Variants in DLAT observed in about 807,000 individuals in gnomAD.
DLAT encodes dihydrolipoamide S-acetyltransferase.
A neutral mutation model predicts 68.0 loss-of-function variants in DLAT; 43 were observed. The ratio of observed to expected loss-of-function variants is 0.63; its 90% CI spans 0.50 to 0.81. The LOEUF (loss-of-function observed/expected upper bound fraction) is 0.81. DLAT is among the 40% of genes least tolerant of loss of function. The pLI is 0.00. For synonymous variants in DLAT, 265 were observed against 288.6 expected, an observed-to-expected ratio of 0.92 and a Z score of 0.83; for missense variants, 745 against 815.4, an observed-to-expected ratio of 0.91 and a Z score of 1.05.
intron 11 of DLAT, among the ~76,000 whole-genome samples, chr11:112,052,702 G>A (rs982824804): frequency 3.9e-5 from 6 of 152,002 alleles, no homozygotes; most frequent in African/African-American, 1.4e-4. Context: ...GGAGAAAAAG[G>A]AAAGGAAGAA....
intron 6 of DLAT, among the ~76,000 whole-genome samples, chr11:112,038,855 GA>G (rs113199747): frequency 0.057 from 6,964 of 123,216 alleles, 420 homozygotes; most frequent in African/African-American, 0.16. Flanking sequence ...CAAATAAAAA[GA>G]AAAAAAAAAA....
At chr11:112,039,202 T>A (rs782024604) in intron 6 of DLAT, 42 bp from the exon 7 acceptor site, 12 of 1,608,462 alleles carry the variant, frequency 7.5e-6, no homozygotes, top group Non-Finnish European at 1.0e-5. Flanking sequence ...GACCAGTCTT[T>A]GAAGTGGTGA....
At chr11:112,058,614 GA>G (rs1320482897) in intron 11 of DLAT, among the ~76,000 whole-genome samples, 33 of 99,848 alleles carry the variant, frequency 3.3e-4, no homozygotes, top group African/African-American at 1.1e-3. Context: ...TGGGGTGGGG[GA>G]AGGGGGGGGT....
rs1862922945 is a variant in DLAT at position 112,039,096 on chromosome 11, G to A, written c.976-148G>A. ...ACTACATTATGTTGGTTAAGCTGGCGAAAAGTACATTATGATCTTTGGAAA... is the reference window on the plus strand; with the variant it reads ...ACTACATTATGTTGGTTAAGCTGGCAAAAAGTACATTATGATCTTTGGAAA... On this transcript the variant is annotated intron_variant, in intron 6 of 13. Transcript: ENST00000280346. The A allele has an allele frequency of 1.6e-5, 12 of 738,240 alleles. No homozygotes were observed. In the South Asian group the frequency reaches 2.7e-4, roughly 17 times the overall value. The allele number at this position is 738,240 out of a possible 1,614,324, so 45.7% of individuals were successfully genotyped here.
chr11:112,028,844 C>T lies in DLAT; in HGVS notation c.559C>T (p.Pro187Ser), dbSNP rs782596110. ...KNYTLDSSAA[P>S]TPQAAPAPTP... ...TTATACACTGGATTCCTCAGCAGCA[C>T]CTACCCCACAAGCGGCCCCAGCACC... is the stretch of plus-strand genomic sequence containing the variant. Residue 187 changes from proline to serine, a missense_variant, in exon 4 of 14, where the codon CCT (proline) becomes TCT (serine). By Grantham distance (74) the Pro-to-Ser change is moderately conservative. Coordinates refer to ENST00000280346, the MANE Select transcript of DLAT (RefSeq NM_001931.5). 1.9e-6 allele frequency: 3 copies of T among 1,614,188 alleles called. No homozygotes were observed. Among genetic ancestry groups the T allele is most frequent in the South Asian group, 1.1e-5 (1 of 91,086 alleles).
At chr11:112,040,948 A>C (rs587655564) in intron 7 of DLAT, among the ~76,000 whole-genome samples, 2 of 152,196 alleles carry the variant, frequency 1.3e-5, no homozygotes, top group South Asian at 4.1e-4. Context: ...AAGAAAGAAA[A>C]TCCCACTGTT....
At chr11:112,053,662 C>T (rs1226099520) in intron 11 of DLAT, among the ~76,000 whole-genome samples, 1 of 152,072 alleles carries the variant, frequency 6.6e-6, no homozygotes, top group Admixed American at 6.6e-5. Flanking sequence ...ACCATATTGG[C>T]CAGACTGGTC....
At chr11:112,056,268 C>T (rs943910296) in intron 11 of DLAT, among the ~76,000 whole-genome samples, 4 of 152,126 alleles carry the variant, frequency 2.6e-5, no homozygotes, top group African/African-American at 4.8e-5. Flanking sequence ...TGCAGAATTA[C>T]GCAGTCTTTA....
At chr11:112,041,539 G>GTAC (rs1313461219) in intron 7 of DLAT, among the ~76,000 whole-genome samples, 2 of 152,184 alleles carry the variant, frequency 1.3e-5, no homozygotes, top group African/African-American at 4.8e-5. Context: ...GAGACTAGCT[G>GTAC]TACACAGTCT....
rs782730028 is a variant in DLAT at position 112,026,223 on chromosome 11, C to G, written c.305C>G (p.Thr102Arg). 13 of 1,611,296 alleles carry G rather than the reference C, an allele frequency of 8.1e-6. No individual in the cohort carries two copies. The highest frequency in any genetic ancestry group is 1.1e-5 in the Non-Finnish European group (13 of 1,178,976). The change falls in exon 2 of 14, where the codon ACA (threonine) becomes AGA (arginine). Residue 102 changes from threonine (T) to arginine (R), a missense_variant. Physicochemically the swap from Thr to Arg is moderately conservative, Grantham distance 71 (BLOSUM62 -1). Coordinates refer to ENST00000280346, the MANE Select transcript of DLAT (RefSeq NM_001931.5). ...QKVPLPSLSP[T>R]MQAGTIARWE... ...GTTCCATTGCCTTCTCTTTCCCCCA[C>G]AATGCAGGCAGGCACCATAGCCCGT...
chr11:112,029,145 G>A (rs1555179734), intron 4 of DLAT, among the ~76,000 whole-genome samples, 200 bp downstream of exon 4: 1 of 152,182 alleles, frequency 6.6e-6, no homozygotes, highest in African/African-American at 2.4e-5. Context: ...AACAGTTCCT[G>A]TAACCTTTCT....
chr11:112,037,471 T>C lies in DLAT; in HGVS notation c.975+11T>C. The C allele has an allele frequency of 6.2e-7, 1 of 1,613,408 alleles. No individual in the cohort carries two copies. Among genetic ancestry groups the C allele is most frequent in the African/African-American group, 1.3e-5 (1 of 75,032 alleles). On this transcript the variant is annotated intron_variant, in intron 6 of 13. Coordinates refer to ENST00000280346, the MANE Select transcript of DLAT (RefSeq NM_001931.5). Reference sequence around the variant, plus strand: ...CCTACCCCACCCCCGGTAGGTATGCTTCTAGAATTCAGGAAACACTTACCT... The same window carrying C: ...CCTACCCCACCCCCGGTAGGTATGCCTCTAGAATTCAGGAAACACTTACCT...
At chr11:112,050,088 G>T (rs2137814242) in intron 10 of DLAT, among the ~76,000 whole-genome samples, 1 of 152,266 alleles carries the variant, frequency 6.6e-6, no homozygotes, top group Non-Finnish European at 1.5e-5. Flanking sequence ...AAGGGGTATT[G>T]AATTTTATCA....
At chr11:112,052,268 G>A (rs73568028) in intron 11 of DLAT, among the ~76,000 whole-genome samples, 3,162 of 152,260 alleles carry the variant, frequency 0.021, 122 homozygotes, top group African/African-American at 0.073. Flanking sequence ...TAATTCTGCA[G>A]TGATTTCCTC....
chr11:112,052,106 TG>T, intron 11 of DLAT, among the ~76,000 whole-genome samples: 1 of 152,196 alleles, frequency 6.6e-6, no homozygotes. Context: ...TTTCTTGCTG[TG>T]TAGATGCTTC....
chr11:112,045,493 C>T (rs1298748336), intron 9 of DLAT, among the ~76,000 whole-genome samples: 1 of 152,116 alleles, frequency 6.6e-6, no homozygotes, highest in Non-Finnish European at 1.5e-5. Context: ...CGAGACCAGC[C>T]TGGCCAACAT....
intron 11 of DLAT, among the ~76,000 whole-genome samples, chr11:112,052,624 G>A (rs1555182118): frequency 1.3e-5 from 2 of 152,102 alleles, no homozygotes; most frequent in African/African-American, 4.8e-5. Flanking sequence ...CACCCTTCCA[G>A]CACTTCCACA....
At chr11:112,033,284 G>A in intron 4 of DLAT, 120 bp from the exon 5 acceptor site, 1 of 1,251,648 alleles carries the variant, frequency 8.0e-7, no homozygotes, top group Non-Finnish European at 1.1e-6. Flanking sequence ...AGCTTTTGCT[G>A]TGGTGAGTAT....
In DLAT at chr11:112,061,952, A is replaced by T. The variant is rs191621037; in HGVS notation, c.1815-454A>T. 3.0e-3 allele frequency among the ~76,000 whole-genome samples: 458 copies of T among 152,234 alleles called. 4 individuals carry two copies. The highest frequency in any genetic ancestry group is 5.6e-3 in the Non-Finnish European group (378 of 68,010). On this transcript the variant is annotated intron_variant, in intron 13 of 13. Transcript: ENST00000280346. ...CTTCAAATAAAATTATATATATATAAAAAATACGAAATTCTTCAAGGCAGC... is the reference window on the plus strand; with the variant it reads ...CTTCAAATAAAATTATATATATATATAAAATACGAAATTCTTCAAGGCAGC...
Sources: gnomAD v4.1 joint callset for allele counts (sites outside exome capture counted in the v4.1 genomes callset) on GRCh38, gnomAD v4.1.1 for gene constraint, MANE v1.5 for transcripts, NCBI Gene and HGNC (gene_info 2026-07-23, HGNC 2026-07-21) for gene names.